The following MAP3K15 variants were observed in gnomAD, a reference collection of about 807,000 sequenced individuals.
MAP3K15 encodes the protein MAPK/ERK kinase kinase 15.
A neutral mutation model predicts 99.5 loss-of-function variants in MAP3K15; 124 were observed. The ratio of observed to expected loss-of-function variants is 1.25; its 90% CI spans 1.08 to 1.45. The LOEUF (loss-of-function observed/expected upper bound fraction) is 1.45. Among genes scored for constraint, MAP3K15 ranks in the 40% most tolerant of loss-of-function variants. The pLI, the probability that MAP3K15 is intolerant of heterozygous loss-of-function variation, is 0.00. For missense variants in MAP3K15, 1,242 were observed against 1,079.7 expected (o/e 1.15, Z -2.11); for synonymous variants, 494 against 439.6 (o/e 1.12, Z -1.55).
intron 17 of MAP3K15, 48 bp downstream of exon 17, chrX:19,392,295 G>A: frequency 3.4e-6 from 4 of 1,174,631 alleles, no homozygotes; most frequent in South Asian, 3.8e-5. Context: ...CAGCTCTCAT[G>A]ATCTGATACG....
In MAP3K15 at chrX:19,466,543, T is replaced by C. The variant is rs183975772; in HGVS notation, c.526-2137A>G. 1.2e-4 allele frequency: 13 copies of C among 112,344 alleles called. 1 individual carries two copies. Among genetic ancestry groups the C allele is most frequent in the African/African-American group, 3.2e-4 (10 of 30,976 alleles). 9.3% of individuals were successfully genotyped at this position (112,344 alleles called of 1,213,427 possible). On this transcript the variant is annotated intron_variant, in intron 3 of 28. Transcript: ENST00000338883. Reference sequence around the variant, plus strand: ...CCTGCGGCTCCCCCTTCCACCATGATTGTAAGTTTCCTGAGGCCTCCCCAG... The same window carrying C: ...CCTGCGGCTCCCCCTTCCACCATGACTGTAAGTTTCCTGAGGCCTCCCCAG...
intron 9 of MAP3K15, among the ~76,000 whole-genome samples, chrX:19,423,063 T>C: frequency 9.1e-6 from 1 of 109,718 alleles, no homozygotes; most frequent in Non-Finnish European, 1.9e-5. Flanking sequence ...CATTAGGAGA[T>C]ATATCTAATG....
intron 24 of MAP3K15, among the ~76,000 whole-genome samples, 168 bp from the exon 25 acceptor site, chrX:19,369,387 G>C (rs2063358509): frequency 8.9e-6 from 1 of 111,758 alleles, no homozygotes; most frequent in Admixed American, 9.5e-5. Context: ...TGTTCCATTT[G>C]GTTCTCTGCA....
rs768966421 is a variant in MAP3K15 at position 19,421,917 on chromosome X, C to T, written c.1439+3614G>A. 3.8e-3 allele frequency among the ~76,000 whole-genome samples: 423 copies of T among 109,932 alleles called. 3 individuals carry two copies. Among genetic ancestry groups the T allele is most frequent in the African/African-American group, 0.013 (395 of 29,313 alleles). ...TGATCTGTGACAAACCTGACAAAAACAAGCAATGGGGAAAGGAGTCCCTAT... is the reference window on the plus strand; with the variant it reads ...TGATCTGTGACAAACCTGACAAAAATAAGCAATGGGGAAAGGAGTCCCTAT... On this transcript the variant is annotated intron_variant, in intron 9 of 28. Coordinates refer to ENST00000338883, the MANE Select transcript of MAP3K15 (RefSeq NM_001001671.4).
At chrX:19,514,208 C>G (rs926733312) in intron 1 of MAP3K15, among the ~76,000 whole-genome samples, 3 of 109,613 alleles carry the variant, frequency 2.7e-5, no homozygotes, top group Non-Finnish European at 5.7e-5. Context: ...GTGCTTATGT[C>G]ATTGGTCTGG....
chrX:19,476,020 G>A (rs765862703), intron 3 of MAP3K15, among the ~76,000 whole-genome samples: 10 of 112,084 alleles, frequency 8.9e-5, no homozygotes, highest in Non-Finnish European at 1.9e-4. Context: ...AGGTGGCAAA[G>A]CTGGTCAACA....
Position 19,450,533 on chromosome X carries a change from G to C in MAP3K15, c.995+6380C>G, listed in dbSNP as rs998956725. On this transcript the variant is annotated intron_variant, in intron 6 of 28. Coordinates refer to ENST00000338883, the MANE Select transcript of MAP3K15 (RefSeq NM_001001671.4). ...AATTCACTTGTTTGTATAAGTTCAG[G>C]TGTGTGTGAGAGAGAAATATACACG... is the stretch of plus-strand genomic sequence containing the variant. Among the ~76,000 whole-genome samples the C allele has an allele frequency of 4.5e-5, 5 of 109,926 alleles. No individual in the cohort carries two copies. The South Asian group carries it at 2.0e-3, about 44-fold the overall frequency.
At chrX:19,404,278 G>T (rs2063632190) in intron 13 of MAP3K15, among the ~76,000 whole-genome samples, 2 of 111,482 alleles carry the variant, frequency 1.8e-5, no homozygotes, top group African/African-American at 6.5e-5. Context: ...AAAATCCTTA[G>T]GTATGTACTT....
rs145372422 is a variant in MAP3K15, at chrX:19,408,248, A to G, written c.1749-965T>C. Among the ~76,000 whole-genome samples, 193 of 111,811 alleles carry G rather than the reference A, an allele frequency of 1.7e-3. 3 individuals carry two copies. The highest frequency in any genetic ancestry group is 0.014 in the Middle Eastern group (3 of 214). On this transcript the variant is annotated intron_variant, in intron 12 of 28. Transcript: ENST00000338883. The stretch of plus-strand genomic sequence containing the variant: ...GATGATACGCCCTCAGGCCCTTTGT[A>G]AATCCCCACTGATGGCTGAAATGGC...
chrX:19,413,682 G>A (rs1185957700), intron 10 of MAP3K15, among the ~76,000 whole-genome samples: 1 of 61,253 alleles, frequency 1.6e-5, no homozygotes, highest in Admixed American at 2.3e-4. Flanking sequence ...TCTCTTGGGG[G>A]GGGGGGTGGG....
chrX:19,471,781 C>T (rs986631707), intron 3 of MAP3K15, among the ~76,000 whole-genome samples: 1 of 111,045 alleles, frequency 9.0e-6, no homozygotes, highest in Admixed American at 9.6e-5. Context: ...ACGAAGGCCA[C>T]GGGATGACAT....
chrX:19,375,204 A>G (rs756534317), intron 19 of MAP3K15, among the ~76,000 whole-genome samples: 1 of 112,526 alleles, frequency 8.9e-6, no homozygotes, highest in Admixed American at 9.4e-5. Flanking sequence ...GGTACATAGC[A>G]GTAGAGAACT....
chrX:19,397,985 A>G (rs1280489627), intron 15 of MAP3K15, among the ~76,000 whole-genome samples: 1 of 105,841 alleles, frequency 9.4e-6, no homozygotes, highest in Admixed American at 1.0e-4. Flanking sequence ...AATTGCTTGA[A>G]CCTGGGAGGC....
At chrX:19,453,918 C>A (rs1414608348) in intron 6 of MAP3K15, among the ~76,000 whole-genome samples, 1 of 111,338 alleles carries the variant, frequency 9.0e-6, no homozygotes, top group Non-Finnish European at 1.9e-5. Context: ...GTAGAGATGA[C>A]GAGCTCACTC....
intron 1 of MAP3K15, 53 bp from the exon 2 acceptor site, chrX:19,489,020 T>C: frequency 2.7e-6 from 3 of 1,118,430 alleles, no homozygotes; most frequent in Non-Finnish European, 3.6e-6. Context: ...GTCTACTTCA[T>C]CTACTCACTG....
Position 19,515,223 on chromosome X carries a change from G to A in MAP3K15, c.39C>T (p.Leu13=). The A allele has an allele frequency of 3.4e-6, 3 of 887,181 alleles. No homozygotes were observed. The highest frequency in any genetic ancestry group is 2.1e-5 in the African/African-American group (1 of 47,326). 73.1% of individuals were successfully genotyped at this position (887,181 alleles called of 1,213,427 possible). Residue 13 remains leucine (L), a synonymous_variant, in exon 1 of 29, where the codon CTC becomes CTT. Coordinates refer to ENST00000338883, the MANE Select transcript of MAP3K15 (RefSeq NM_001001671.4). The part of the protein sequence containing the change: ...SGGGNAPAGA[L]GAASESPQCP... ...ACTGAGGGGACTCGCTCGCCGCCCC[G>A]AGGGCCCCGGCCGGAGCATTCCCAC...
chrX:19,369,772 T>C (rs1356847421), intron 24 of MAP3K15, among the ~76,000 whole-genome samples: 2 of 110,832 alleles, frequency 1.8e-5, no homozygotes, highest in Non-Finnish European at 3.8e-5. Flanking sequence ...TAGCTGGGTG[T>C]GGTGGCGCGC....
At chrX:19,453,591 C>T (rs1406470826) in intron 6 of MAP3K15, among the ~76,000 whole-genome samples, 1 of 110,043 alleles carries the variant, frequency 9.1e-6, no homozygotes, top group Non-Finnish European at 1.9e-5. Flanking sequence ...CCAAGTGTTA[C>T]ATTTTGGGCC....
chrX:19,456,059 C>G (rs12011196), intron 6 of MAP3K15, among the ~76,000 whole-genome samples: 3,312 of 111,085 alleles, frequency 0.03, 124 homozygotes, highest in African/African-American at 0.1. Flanking sequence ...AGGTGCATTT[C>G]CACAGAGACC....
Sources: allele counts gnomAD v4.1 joint callset (sites outside exome capture counted in the v4.1 genomes callset), GRCh38; gene constraint gnomAD v4.1.1; transcripts MANE v1.5; gene names NCBI Gene and HGNC (gene_info 2026-07-23, HGNC 2026-07-21).